The following GSG1L variants were observed in gnomAD, a reference collection of about 807,000 sequenced individuals.
The protein encoded by GSG1L is GSG1 like.
Under a neutral mutation model 42.1 loss-of-function variants are expected in GSG1L, and 24 were observed. The observed-to-expected ratio is 0.57, with a 90% CI of 0.41 to 0.80. The LOEUF is 0.80. Among genes scored for constraint, GSG1L ranks in the 30% least tolerant of loss-of-function variants. The probability of loss-of-function intolerance (pLI) is 0.00; values close to 1 mark genes in which losing one functional copy is unlikely to be tolerated. For synonymous variants in GSG1L, 215 were observed against 203.5 expected (o/e 1.06, Z -0.48); for missense variants, 445 against 472.2 (o/e 0.94, Z 0.53).
chr16:27,870,884 C>T (rs1304682985), intron 3 of GSG1L, among the ~76,000 whole-genome samples: 1 of 151,416 alleles, frequency 6.6e-6, no homozygotes. Flanking sequence ...CAGACACCTG[C>T]AGTCACCTCT....
At chr16:27,977,115 G>A (rs117721331) in intron 1 of GSG1L, among the ~76,000 whole-genome samples, 1 of 152,144 alleles carries the variant, frequency 6.6e-6, no homozygotes, top group Admixed American at 6.5e-5. Context: ...TCACAGCAAT[G>A]GCACGAAGTC....
chr16:28,061,160 T>C (rs2086335190), intron 1 of GSG1L, among the ~76,000 whole-genome samples: 1 of 152,170 alleles, frequency 6.6e-6, no homozygotes, highest in Admixed American at 6.5e-5. Context: ...AAACACCTTC[T>C]TGAACTTGGA....
intron 2 of GSG1L, among the ~76,000 whole-genome samples, chr16:27,950,573 C>T (rs887509251): frequency 1.3e-5 from 2 of 151,944 alleles, no homozygotes; most frequent in African/African-American, 2.4e-5. Flanking sequence ...CAAGCAAATG[C>T]GTCTCGAGGG....
chr16:27,850,023 CTTTTT>C (rs57543425), intron 3 of GSG1L, among the ~76,000 whole-genome samples: 14 of 70,068 alleles, frequency 2.0e-4, no homozygotes, highest in African/African-American at 2.0e-4. Context: ...TTTGAAATGC[CTTTTT>C]TTTTTTTTTT....
In GSG1L at chr16:28,041,838, T is replaced by G. The variant is rs145360283; in HGVS notation, c.349+21238A>C. On this transcript the variant is annotated intron_variant, in intron 1 of 6. Transcript: ENST00000447459. The stretch of plus-strand genomic sequence containing the variant: ...AGATGCAAAGCACATTCACTTACCC[T>G]CTCAGCCTCGTGCCCTCGCTGGGCA... Among the ~76,000 whole-genome samples the G allele has an allele frequency of 2.6e-5, 4 of 152,320 alleles. No homozygotes were observed. The East Asian group carries it at 7.7e-4, about 29-fold the overall frequency.
At chr16:27,888,567 CTTTCTT>C in intron 2 of GSG1L, among the ~76,000 whole-genome samples, 1 of 126,934 alleles carries the variant, frequency 7.9e-6, no homozygotes, top group South Asian at 2.6e-4. Flanking sequence ...TTCTTTCTTT[CTTTCTT>C]TCTTTCTTTC....
At chr16:27,846,086 A>G (rs1015541926) in intron 3 of GSG1L, among the ~76,000 whole-genome samples, 2 of 151,932 alleles carry the variant, frequency 1.3e-5, no homozygotes, top group African/African-American at 4.8e-5. Context: ...TATTTCCCCT[A>G]CTGATTTTAA....
intron 1 of GSG1L, among the ~76,000 whole-genome samples, chr16:27,991,761 C>A (rs141434271): frequency 2.6e-5 from 4 of 152,262 alleles, no homozygotes; most frequent in African/African-American, 9.6e-5. Context: ...TTTACTTATT[C>A]TGAGAAAACC....
Position 27,865,562 on chromosome 16 carries a change from T to C in GSG1L, c.550+18924A>G, listed in dbSNP as rs1346857700. On this transcript the variant is annotated intron_variant, in intron 3 of 6. Coordinates refer to ENST00000447459, the MANE Select transcript of GSG1L (RefSeq NM_001109763.2). The stretch of plus-strand genomic sequence containing the variant: ...ATATATATATATATATATATATATA[T>C]ATATATATATACACACACACATACA... 5.9e-3 allele frequency among the ~76,000 whole-genome samples: 153 copies of C among 25,906 alleles called. 11 individuals are homozygous for C. Among genetic ancestry groups the C allele is most frequent in the African/African-American group, 0.024 (135 of 5,548 alleles). The allele number at this position is 25,906 out of a possible 152,430, so 17.0% of individuals were successfully genotyped here.
At chr16:27,922,739 T>C (rs1017700596) in intron 2 of GSG1L, among the ~76,000 whole-genome samples, 1 of 152,196 alleles carries the variant, frequency 6.6e-6, no homozygotes, top group Non-Finnish European at 1.5e-5. Flanking sequence ...AGCCATCCCA[T>C]GGAGATGCCC....
chr16:27,905,714 T>C (rs2084313748), intron 2 of GSG1L, among the ~76,000 whole-genome samples: 1 of 152,230 alleles, frequency 6.6e-6, no homozygotes, highest in African/African-American at 2.4e-5. Flanking sequence ...AATGTACTTC[T>C]TCTGTCTCAG....
Position 27,833,132 on chromosome 16 carries a change from G to A in GSG1L, c.663-4176C>T, listed in dbSNP as rs143704508. ...ATCCATTTTAAATTAATTTTTGCAA[G>A]TGGTGTGCAGTTTAAAGTAAGGCTG... On this transcript the variant is annotated intron_variant, in intron 4 of 6. Transcript: ENST00000447459. 6.1e-3 allele frequency among the ~76,000 whole-genome samples: 921 copies of A among 152,152 alleles called. 9 individuals carry two copies. Among genetic ancestry groups the A allele is most frequent in the African/African-American group, 0.021 (885 of 41,492 alleles).
Position 27,941,442 on chromosome 16 carries a change from G to A in GSG1L, c.397+21714C>T, listed in dbSNP as rs371142223. 6.0e-5 allele frequency among the ~76,000 whole-genome samples: 9 copies of A among 149,056 alleles called. No individual in the cohort carries two copies. In the East Asian group the frequency reaches 1.0e-3, roughly 17 times the overall value. On this transcript the variant is annotated intron_variant, in intron 2 of 6. Coordinates refer to ENST00000447459, the MANE Select transcript of GSG1L (RefSeq NM_001109763.2). ...TCCCAACACTTTAGGAGATCAAGGC[G>A]GGTGGATCACCTGAGTTCAGGAGTT... is the stretch of plus-strand genomic sequence containing the variant.
chr16:28,041,806 C>T (rs1222446437), intron 1 of GSG1L, among the ~76,000 whole-genome samples: 1 of 152,220 alleles, frequency 6.6e-6, no homozygotes, highest in Non-Finnish European at 1.5e-5. Flanking sequence ...AGACTCTTTG[C>T]AACTCAAGAT....
At chr16:27,903,162 C>G (rs2084281490) in intron 2 of GSG1L, among the ~76,000 whole-genome samples, 1 of 152,064 alleles carries the variant, frequency 6.6e-6, no homozygotes, top group Non-Finnish European at 1.5e-5. Flanking sequence ...GGGCGGGAGC[C>G]TGGAGCTGGT....
At chr16:27,902,717 G>A (rs911641987) in intron 2 of GSG1L, among the ~76,000 whole-genome samples, 2 of 152,354 alleles carry the variant, frequency 1.3e-5, no homozygotes, top group African/African-American at 4.8e-5. Context: ...CCGCTTACCA[G>A]CAGGGTGCCT....
intron 5 of GSG1L, among the ~76,000 whole-genome samples, chr16:27,809,386 T>C (rs1197859434): frequency 6.7e-6 from 1 of 150,080 alleles, no homozygotes; most frequent in Non-Finnish European, 1.5e-5. Flanking sequence ...CTGGGCAACA[T>C]AGCAAGAACG....
chr16:27,922,968 T>C (rs1348948125), intron 2 of GSG1L, among the ~76,000 whole-genome samples: 1 of 152,128 alleles, frequency 6.6e-6, no homozygotes, highest in Admixed American at 6.5e-5. Context: ...TCTTATTTTT[T>C]GTAGAGAAGG....
At chr16:28,004,488 AAGG>A (rs1328973997) in intron 1 of GSG1L, among the ~76,000 whole-genome samples, 1 of 151,606 alleles carries the variant, frequency 6.6e-6, no homozygotes, top group Non-Finnish European at 1.5e-5. Context: ...AAAAAAAAAA[AAGG>A]AGGCCGGGCA....
Sources: allele counts gnomAD v4.1 joint callset (sites outside exome capture counted in the v4.1 genomes callset), GRCh38; gene constraint gnomAD v4.1.1; transcripts MANE v1.5; gene names NCBI Gene and HGNC (gene_info 2026-07-23, HGNC 2026-07-21).